Variants in SARNP observed in about 807,000 individuals in gnomAD.
SARNP encodes SAP domain-containing ribonucleoprotein.
Under a neutral mutation model 38.1 loss-of-function variants are expected in SARNP, and 5 were observed. That is an observed-to-expected ratio of 0.13 (90% CI 0.07 to 0.28). SARNP has a LOEUF of 0.28. Among genes scored for constraint, SARNP ranks in the 10% least tolerant of loss-of-function variants. SARNP has a pLI of 1.00. For missense variants in SARNP, 180 were observed against 243.9 expected (o/e 0.74, Z 1.75); for synonymous variants, 84 against 80.6 (o/e 1.04, Z -0.23).
rs568480012 is a variant in SARNP at position 55,770,925 on chromosome 12, C to T, written c.502-10285G>A. On this transcript the variant is annotated intron_variant, in intron 9 of 10. Coordinates refer to ENST00000336133, the MANE Select transcript of SARNP (RefSeq NM_033082.4). ...ATGGGTTGTGTGTTGAAAGCATTCA[C>T]CTTCTTCAATCTTTTTTTTTTTTTT... Among the ~76,000 whole-genome samples, 8 of 151,478 alleles carry T rather than the reference C, an allele frequency of 5.3e-5. No homozygotes were observed. In the South Asian group the frequency reaches 6.3e-4, roughly 12 times the overall value.
At chr12:55,797,652 A>G (rs912242009) in intron 4 of SARNP, among the ~76,000 whole-genome samples, 1 of 152,252 alleles carries the variant, frequency 6.6e-6, no homozygotes, top group African/African-American at 2.4e-5. Context: ...TCATGGCAGA[A>G]AGGGAACCCC....
chr12:55,796,171 G>C, intron 4 of SARNP, 95 bp from the exon 5 acceptor site: 1 of 864,696 alleles, frequency 1.2e-6, no homozygotes. Flanking sequence ...ACCATTCTCT[G>C]CCCTATTATC....
intron 9 of SARNP, among the ~76,000 whole-genome samples, chr12:55,788,508 A>T (rs1221391832): frequency 6.6e-6 from 1 of 152,184 alleles, no homozygotes; most frequent in Non-Finnish European, 1.5e-5. Context: ...AATATAGACC[A>T]TACTCAGGCT....
At chr12:55,782,292 A>G (rs1211524121) in intron 9 of SARNP, among the ~76,000 whole-genome samples, 1 of 152,232 alleles carries the variant, frequency 6.6e-6, no homozygotes, top group Non-Finnish European at 1.5e-5. Flanking sequence ...CTGGGGAAGG[A>G]GAAGAGTATC....
chr12:55,779,319 T>C (rs991548412), intron 9 of SARNP, among the ~76,000 whole-genome samples: 2 of 152,118 alleles, frequency 1.3e-5, no homozygotes, highest in Non-Finnish European at 2.9e-5. Context: ...GGAGCCTACG[T>C]TGAGTTTTGT....
intron 10 of SARNP, among the ~76,000 whole-genome samples, chr12:55,757,781 A>T (rs1477053971): frequency 2.0e-5 from 3 of 152,166 alleles, no homozygotes; most frequent in Non-Finnish European, 4.4e-5. Flanking sequence ...GGAGTAAAGA[A>T]GATTACTGGG....
chr12:55,775,607 AAGG>A (rs896536296), intron 9 of SARNP, among the ~76,000 whole-genome samples: 6 of 152,024 alleles, frequency 3.9e-5, no homozygotes, highest in African/African-American at 1.4e-4. Context: ...GAGAGGAAGA[AAGG>A]AGTTAAAATT....
chr12:55,770,902 G>T (rs1878986874), intron 9 of SARNP, among the ~76,000 whole-genome samples: 1 of 151,470 alleles, frequency 6.6e-6, no homozygotes. Flanking sequence ...AGCATCCCAT[G>T]GGTTGTGTGT....
intron 9 of SARNP, among the ~76,000 whole-genome samples, chr12:55,777,380 T>C (rs7133931): frequency 6.6e-6 from 1 of 151,382 alleles, no homozygotes; most frequent in Non-Finnish European, 1.5e-5. Flanking sequence ...CTTTTTTTTT[T>C]ATTTTTTTTT....
At chr12:55,801,246 G>C (rs563432121) in intron 2 of SARNP, among the ~76,000 whole-genome samples, 1 of 152,304 alleles carries the variant, frequency 6.6e-6, no homozygotes, top group East Asian at 1.9e-4. Context: ...CAAGCGACCA[G>C]CTTGGGGAAC....
intron 1 of SARNP, 101 bp downstream of exon 1, chr12:55,817,565 G>A: frequency 3.5e-6 from 4 of 1,128,708 alleles, no homozygotes; most frequent in Non-Finnish European, 3.8e-6. Context: ...GAAACGAAGT[G>A]GAAAAGGCTG....
At chr12:55,787,711 C>A (rs1293366014) in intron 9 of SARNP, among the ~76,000 whole-genome samples, 3 of 151,814 alleles carry the variant, frequency 2.0e-5, no homozygotes, top group African/African-American at 7.3e-5. Flanking sequence ...GCTGGGATTA[C>A]AGGCACGGTG....
At chr12:55,757,751 T>G (rs1449268926) in intron 10 of SARNP, among the ~76,000 whole-genome samples, 198 bp from the exon 11 acceptor site, 2 of 152,012 alleles carry the variant, frequency 1.3e-5, no homozygotes, top group Admixed American at 1.3e-4. Flanking sequence ...GCTGGAAAGT[T>G]TAATGGGTAA....
chr12:55,773,417 T>G (rs551460590), intron 9 of SARNP, among the ~76,000 whole-genome samples: 163 of 152,338 alleles, frequency 1.1e-3, no homozygotes, highest in African/African-American at 3.6e-3. Context: ...AAAAACTATT[T>G]CAGCTGCAGA....
chr12:55,801,298 C>T (rs1879972910), intron 2 of SARNP, among the ~76,000 whole-genome samples: 1 of 152,024 alleles, frequency 6.6e-6, no homozygotes, highest in East Asian at 1.9e-4. Flanking sequence ...AAAAAATTAG[C>T]TGGGTGTGGG....
At position 55,815,215 on chromosome 12, in the gene SARNP, G is replaced by A. The variant is rs1044175888; in HGVS notation, c.36+2451C>T. On this transcript the variant is annotated intron_variant, in intron 1 of 10. Coordinates refer to ENST00000336133, the MANE Select transcript of SARNP (RefSeq NM_033082.4). ...TGGGACTACAGGTGTGTGCCACCAT[G>A]CCCAGCTAATTTTTTAATTTTTTTT... Among the ~76,000 whole-genome samples the A allele has an allele frequency of 7.9e-5, 12 of 152,106 alleles. No homozygotes were observed. The East Asian group carries it at 2.3e-3, about 30-fold the overall frequency.
At chr12:55,779,923 G>C (rs1363821785) in intron 9 of SARNP, among the ~76,000 whole-genome samples, 1 of 152,164 alleles carries the variant, frequency 6.6e-6, no homozygotes, top group Non-Finnish European at 1.5e-5. Context: ...AAGGCGGGAG[G>C]ATCACTTGAG....
At chr12:55,757,939 T>C (rs1878563156) in intron 10 of SARNP, among the ~76,000 whole-genome samples, 1 of 152,106 alleles carries the variant, frequency 6.6e-6, no homozygotes, top group Non-Finnish European at 1.5e-5. Flanking sequence ...AGACGGAAGA[T>C]TTCAGAGGAT....
Position 55,793,417 on chromosome 12 carries a change from T to C in SARNP, c.406+942A>G, listed in dbSNP as rs970492775. Reference sequence around the variant, plus strand: ...ACCAGAGATAAGAGTATTAACAATTTAGAATACAGTCGTCCCTCCATTTCC... The same window carrying C: ...ACCAGAGATAAGAGTATTAACAATTCAGAATACAGTCGTCCCTCCATTTCC... On this transcript the variant is annotated intron_variant, in intron 7 of 10. Transcript: ENST00000336133. 4 of 152,284 alleles carry C rather than the reference T, an allele frequency of 2.6e-5. No individual in the cohort carries two copies. The East Asian group carries it at 5.8e-4, about 22-fold the overall frequency. The allele number at this position is 152,284 out of a possible 1,614,324, so 9.4% of individuals were successfully genotyped here. A position where few individuals can be genotyped will look rare whatever the true frequency, so the allele number is the denominator to read the frequency against.
Sources: allele counts gnomAD v4.1 joint callset (sites outside exome capture counted in the v4.1 genomes callset), GRCh38; gene constraint gnomAD v4.1.1; transcripts MANE v1.5; gene names NCBI Gene and HGNC (gene_info 2026-07-23, HGNC 2026-07-21).